Variants in KIAA0586 observed in about 807,000 individuals in gnomAD.
The protein encoded by KIAA0586 is protein TALPID3.
A neutral mutation model predicts 169.8 loss-of-function variants in KIAA0586; 144 were observed. The observed-to-expected ratio is 0.85, with a 90% CI of 0.74 to 0.97. KIAA0586 has a LOEUF of 0.97. KIAA0586 is among the 50% of genes least tolerant of loss of function. KIAA0586 has a pLI of 0.00. For synonymous variants in KIAA0586, 625 were observed against 612.4 expected, an observed-to-expected ratio of 1.02 and a Z score of -0.30; for missense variants, 1,854 against 1,823.0, an observed-to-expected ratio of 1.02 and a Z score of -0.31.
the KIAA0586 span, among the ~76,000 whole-genome samples, chr14:58,560,576 T>G: frequency 6.6e-6 from 1 of 152,234 alleles, no homozygotes; most frequent in Admixed American, 6.5e-5. Flanking sequence ...AGTCTTGAAA[T>G]TTGTTTCTCG....
intron 29 of KIAA0586, among the ~76,000 whole-genome samples, chr14:58,529,420 C>G (rs1350945640): frequency 6.6e-6 from 1 of 152,148 alleles, no homozygotes; most frequent in Non-Finnish European, 1.5e-5. Flanking sequence ...AAATTTCAGG[C>G]CAGTATCCGT....
intron 29 of KIAA0586, among the ~76,000 whole-genome samples, chr14:58,529,636 G>C (rs1476689201): frequency 3.9e-5 from 6 of 152,178 alleles, no homozygotes; most frequent in Middle Eastern, 3.4e-3. Context: ...TGCAGAAAAG[G>C]CCTTCAGTAA....
chr14:58,460,682 T>G (rs1305370711), intron 13 of KIAA0586, among the ~76,000 whole-genome samples: 1 of 152,196 alleles, frequency 6.6e-6, no homozygotes, highest in Non-Finnish European at 1.5e-5. Flanking sequence ...TTGTTGTATT[T>G]TTATTGTACT....
intron 4 of KIAA0586, 85 bp from the exon 5 acceptor site, chr14:58,442,621 T>G (rs906328708): frequency 1.9e-6 from 2 of 1,037,936 alleles, no homozygotes; most frequent in African/African-American, 3.3e-5. Flanking sequence ...AAAACCACCT[T>G]CGGCAGATTA....
intron 13 of KIAA0586, 127 bp downstream of exon 13, chr14:58,460,197 A>C (rs2040211403): frequency 1.7e-6 from 1 of 602,242 alleles, no homozygotes; most frequent in Non-Finnish European, 2.8e-6. Context: ...AATGTAAGCT[A>C]TCTTTACACT....
chr14:58,427,506 G>C, upstream of KIAA0586: 2 of 1,291,016 alleles, frequency 1.5e-6, no homozygotes, highest in Non-Finnish European at 2.2e-6. Flanking sequence ...ACTGTAGAGC[G>C]GTCTTGTGCG....
At chr14:58,427,512 G>A, upstream of KIAA0586, 1 of 1,393,510 alleles carries the variant, frequency 7.2e-7, no homozygotes, top group Non-Finnish European at 9.8e-7. Flanking sequence ...GAGCGGTCTT[G>A]TGCGGCAATG....
chr14:58,470,807 CA>C, intron 17 of KIAA0586, 84 bp downstream of exon 17: 1 of 654,480 alleles, frequency 1.5e-6, no homozygotes, highest in East Asian at 3.0e-5. Context: ...AGCCTTTTAT[CA>C]TAATGATAAC....
chr14:58,485,028 AT>A (rs2042348456), intron 21 of KIAA0586, among the ~76,000 whole-genome samples: 2 of 136,286 alleles, frequency 1.5e-5, no homozygotes, highest in African/African-American at 5.6e-5. Flanking sequence ...GGTTCAAATG[AT>A]TCTCCTGCCT....
At position 58,427,954 on chromosome 14, in the gene KIAA0586, C is replaced by T; in HGVS notation, c.-311C>T. On this transcript the variant is annotated 5_prime_UTR_variant, in exon 1 of 31. Coordinates refer to ENST00000652326, the MANE Select transcript of KIAA0586 (RefSeq NM_001329943.3). Reference sequence around the variant, plus strand: ...CCGCCACTACATGTGTTTGGTTTTGCCCTACCAGCTCTGGGGTTGGGGAGT... The same window carrying T: ...CCGCCACTACATGTGTTTGGTTTTGTCCTACCAGCTCTGGGGTTGGGGAGT... The T allele has an allele frequency of 7.1e-7, 1 of 1,400,302 alleles. No homozygotes were observed. Among genetic ancestry groups the T allele is most frequent in the Non-Finnish European group, 9.3e-7 (1 of 1,075,540 alleles). 86.7% of individuals were successfully genotyped at this position (1,400,302 alleles called of 1,614,324 possible). A position where few individuals can be genotyped will look rare whatever the true frequency, so the allele number is the denominator to read the frequency against.
chr14:58,428,666 C>CTTTT (rs33975443), intron 1 of KIAA0586, among the ~76,000 whole-genome samples: 1 of 74,156 alleles, frequency 1.3e-5, no homozygotes, highest in Non-Finnish European at 3.0e-5. Context: ...CCCTGTTGTG[C>CTTTT]TTTTTTTTTT....
Position 58,456,727 on chromosome 14 carries a change from A to G in KIAA0586, c.1279A>G (p.Thr427Ala). Residue 427 changes from threonine to alanine, a missense_variant, in exon 10 of 31, where the codon ACA becomes GCA. Transcript: ENST00000652326. ...NRFPSCEELE[T>A]TKVTMQKSDD... ...ATTTCCTTCCTGTGAAGAGCTAGAA[A>G]CAACTAAAGTGACTATGCAGAAGTC... is the stretch of plus-strand genomic sequence containing the variant. The G allele has an allele frequency of 6.2e-7, 1 of 1,603,874 alleles. No homozygotes were observed. The highest frequency in any genetic ancestry group is 8.5e-7 in the Non-Finnish European group (1 of 1,174,346).
chr14:58,531,953 C>T (rs1439220663), intron 29 of KIAA0586, among the ~76,000 whole-genome samples: 1 of 151,878 alleles, frequency 6.6e-6, no homozygotes, highest in Non-Finnish European at 1.5e-5. Flanking sequence ...TCAAACACCT[C>T]ATGTTCTCAC....
chr14:58,552,475 C>T (rs2140173238), downstream of KIAA0586, among the ~76,000 whole-genome samples: 1 of 152,202 alleles, frequency 6.6e-6, no homozygotes, highest in African/African-American at 2.4e-5. Flanking sequence ...CTCTAATTAC[C>T]AAGACAGCAA....
intron 4 of KIAA0586, chr14:58,439,896 T>C: frequency 1.1e-5 from 9 of 854,242 alleles, no homozygotes; most frequent in Non-Finnish European, 1.3e-5. Context: ...TTCAGTTTTG[T>C]CAGTGGTTCC....
chr14:58,460,455 A>G (rs10483699), intron 13 of KIAA0586, among the ~76,000 whole-genome samples: 14,637 of 152,062 alleles, frequency 0.096, 915 homozygotes, highest in African/African-American at 0.18. Flanking sequence ...TAGTATATGC[A>G]AGGCGTGGTA....
intron 25 of KIAA0586, among the ~76,000 whole-genome samples, chr14:58,491,213 G>C (rs1479013829): frequency 6.6e-6 from 1 of 152,066 alleles, no homozygotes; most frequent in Admixed American, 6.6e-5. Flanking sequence ...AAAGTAAATA[G>C]CTAAACCAAA....
At chr14:58,490,073 T>A (rs1448670171) in intron 24 of KIAA0586, 91 bp from the exon 25 acceptor site, 2 of 624,242 alleles carry the variant, frequency 3.2e-6, no homozygotes, top group African/African-American at 3.9e-5. Flanking sequence ...CAGTATAATT[T>A]TGAATCTAAT....
chr14:58,496,908 C>T (rs371981025), intron 26 of KIAA0586, among the ~76,000 whole-genome samples: 1 of 151,600 alleles, frequency 6.6e-6, no homozygotes, highest in Non-Finnish European at 1.5e-5. Flanking sequence ...TTTTTTAATA[C>T]AGAAAGAAAA....
Sources: gnomAD v4.1 joint callset for allele counts (sites outside exome capture counted in the v4.1 genomes callset) on GRCh38, gnomAD v4.1.1 for gene constraint, MANE v1.5 for transcripts, NCBI Gene and HGNC (gene_info 2026-07-23, HGNC 2026-07-21) for gene names.